The following WDR41 variants were observed in gnomAD, a reference collection of about 807,000 sequenced individuals.
WDR41 encodes the protein WD repeat domain 41.
Under a neutral mutation model 69.3 loss-of-function variants are expected in WDR41, and 63 were observed. That is an observed-to-expected ratio of 0.91 (90% CI 0.74 to 1.12). The LOEUF is 1.12. Ranked by LOEUF, WDR41 falls within the 50% of genes most tolerant of loss-of-function variation. The pLI, the probability that WDR41 is intolerant of heterozygous loss-of-function variation, is 0.00. For synonymous variants in WDR41, 185 were observed against 192.1 expected (o/e 0.96, Z 0.31); for missense variants, 543 against 534.5 (o/e 1.02, Z -0.16).
At chr5:77,539,799 T>C (rs1479939930) in intron 1 of WDR41, among the ~76,000 whole-genome samples, 1 of 152,168 alleles carries the variant, frequency 6.6e-6, no homozygotes, top group Admixed American at 6.5e-5. Flanking sequence ...ATAGTAACCA[T>C]GGTAATATTT....
chr5:77,440,847 T>C lies in WDR41; in HGVS notation c.848A>G (p.Asp283Gly). ...QEIKLCQKSN[D>G]ISIHHFTCDE... ...ACATGTGAAATGATGAATAGAAATG[T>C]CATTTGATTTTTGACAGAGTTTTAT... Residue 283 changes from aspartate (D) to glycine (G), a missense_variant, in exon 9 of 13, where the codon GAC (aspartate) becomes GGC (glycine). Physicochemically the swap from Asp to Gly is moderately conservative, Grantham distance 94 (BLOSUM62 -1). Coordinates refer to ENST00000296679, the MANE Select transcript of WDR41 (RefSeq NM_018268.4). 6.2e-7 allele frequency: 1 copy of C among 1,614,212 alleles called. No homozygotes were observed. The highest frequency in any genetic ancestry group is 8.5e-7 in the Non-Finnish European group (1 of 1,180,026).
chr5:77,579,686 C>G (rs1743902596), intron 1 of WDR41, among the ~76,000 whole-genome samples: 1 of 152,204 alleles, frequency 6.6e-6, no homozygotes, highest in African/African-American at 2.4e-5. Context: ...GTTCTACATG[C>G]TGAAAGCAAG....
At chr5:77,513,374 T>A (rs1202503254) in intron 1 of WDR41, among the ~76,000 whole-genome samples, 1 of 152,176 alleles carries the variant, frequency 6.6e-6, no homozygotes, top group East Asian at 1.9e-4. Flanking sequence ...AATTAGCTCT[T>A]AAACTGAAAA....
chr5:77,461,806 C>G (rs1800078578), intron 4 of WDR41, among the ~76,000 whole-genome samples: 1 of 151,458 alleles, frequency 6.6e-6, no homozygotes, highest in Non-Finnish European at 1.5e-5. Context: ...CTACTGCACT[C>G]CAGCTTGGGC....
chr5:77,616,947 A>T (rs1744690542), intron 1 of WDR41, among the ~76,000 whole-genome samples: 1 of 152,230 alleles, frequency 6.6e-6, no homozygotes, highest in African/African-American at 2.4e-5. Context: ...AAATCTCAGG[A>T]CTAGGCCAAG....
At chr5:77,462,343 A>G (rs1046913014) in intron 4 of WDR41, among the ~76,000 whole-genome samples, 1 of 142,666 alleles carries the variant, frequency 7.0e-6, no homozygotes, top group African/African-American at 2.6e-5. Context: ...CAGGAGGCAG[A>G]GGTTGCAGTG....
intron 1 of WDR41, among the ~76,000 whole-genome samples, chr5:77,513,348 A>T (rs1802238344): frequency 6.6e-6 from 1 of 152,234 alleles, no homozygotes; most frequent in Non-Finnish European, 1.5e-5. Context: ...AGTGGTCAGC[A>T]TTCACTAGAT....
chr5:77,576,265 A>C (rs1317728021), intron 1 of WDR41, among the ~76,000 whole-genome samples: 1 of 151,848 alleles, frequency 6.6e-6, no homozygotes, highest in Non-Finnish European at 1.5e-5. Context: ...CCTTTCCCTT[A>C]CATATTAACA....
intron 1 of WDR41, among the ~76,000 whole-genome samples, chr5:77,512,480 G>C (rs1415227794): frequency 6.7e-6 from 1 of 150,326 alleles, no homozygotes; most frequent in Non-Finnish European, 1.5e-5. Context: ...GGCCGAGTAA[G>C]GTAGCTCATG....
At chr5:77,503,407 A>T (rs1199832615) in intron 1 of WDR41, among the ~76,000 whole-genome samples, 1 of 152,126 alleles carries the variant, frequency 6.6e-6, no homozygotes, top group Non-Finnish European at 1.5e-5. Flanking sequence ...AGAGACTTAG[A>T]CTCCCACACA....
rs1395254224 is a variant in WDR41 at position 77,432,257 on chromosome 5, TTTCA to T, written c.*874_*877del. The stretch of plus-strand genomic sequence containing the variant: ...TAATGTGTAGACTACTTTCTAATAT[TTTCA>T]TTTTTTAGCACCAAAAGGAGAAAAC... On this transcript the variant is annotated 3_prime_UTR_variant, in exon 13 of 13. Transcript: ENST00000296679. 1 of 152,212 alleles carries T rather than the reference TTTCA, an allele frequency of 6.6e-6. No homozygotes were observed. Among genetic ancestry groups the T allele is most frequent in the African/African-American group, 2.4e-5 (1 of 41,444 alleles). The allele number at this position is 152,212 out of a possible 1,614,324, so 9.4% of individuals were successfully genotyped here.
intron 1 of WDR41, among the ~76,000 whole-genome samples, chr5:77,550,077 T>C (rs982937157): frequency 6.6e-6 from 1 of 152,236 alleles, no homozygotes; most frequent in South Asian, 2.1e-4. Context: ...CATTTCACCA[T>C]ATATAAAAAT....
upstream of WDR41, among the ~76,000 whole-genome samples, chr5:77,494,116 C>T (rs1289811756): frequency 2.0e-5 from 3 of 151,908 alleles, no homozygotes; most frequent in Admixed American, 1.3e-4. Context: ...ATTGTTATAA[C>T]GTTAGGATGT....
In WDR41 at chr5:77,431,868, G is replaced by C. The variant is rs544650702; in HGVS notation, c.*1267C>G. The C allele has an allele frequency of 8.7e-6, 1 of 114,330 alleles. No individual in the cohort carries two copies. Among genetic ancestry groups the C allele is most frequent in the African/African-American group, 3.4e-5 (1 of 29,722 alleles). The allele number at this position is 114,330 out of a possible 1,614,324, so 7.1% of individuals were successfully genotyped here. On this transcript the variant is annotated 3_prime_UTR_variant, in exon 13 of 13. Coordinates refer to ENST00000296679, the MANE Select transcript of WDR41 (RefSeq NM_018268.4). ...TGACTCAATGTTGTTTGGATTTAAA[G>C]TAGTCATATAAGCCTTTTCTCATTC... is the stretch of plus-strand genomic sequence containing the variant.
intron 2 of WDR41, among the ~76,000 whole-genome samples, chr5:77,472,932 T>C (rs1178217787): frequency 6.6e-6 from 1 of 152,162 alleles, no homozygotes; most frequent in Non-Finnish European, 1.5e-5. Flanking sequence ...TTCACGTTCA[T>C]ATGGAACCAA....
intron 4 of WDR41, among the ~76,000 whole-genome samples, chr5:77,461,299 GTGTATGTATATA>G (rs1800044597): frequency 6.6e-6 from 1 of 152,094 alleles, no homozygotes; most frequent in Non-Finnish European, 1.5e-5. Flanking sequence ...ACATATATGT[GTGTATGTATATA>G]TGTATGTATG....
In WDR41 at chr5:77,541,171, AT is replaced by A. The variant is rs1177692093; in HGVS notation, c.43-51600del. Among the ~76,000 whole-genome samples, 13 of 152,352 alleles carry A rather than the reference AT, an allele frequency of 8.5e-5. No individual in the cohort carries two copies. The East Asian group carries it at 2.3e-3, about 27-fold the overall frequency. On this transcript the variant is annotated intron_variant, in intron 1 of 5. Coordinates refer to the WDR41 transcript ENST00000509971. ...TGTCATCAGAGTGAACAGACAACTT[AT>A]AAAATGGGAGAAAATTTTTGCAATC...
chr5:77,610,974 C>A (rs1290033185), intron 1 of WDR41, among the ~76,000 whole-genome samples: 43 of 152,154 alleles, frequency 2.8e-4, no homozygotes, highest in South Asian at 1.5e-3. Context: ...TACCAAGCAA[C>A]TGGAAAGCAA....
chr5:77,468,028 A>G (rs1350320836), intron 2 of WDR41, among the ~76,000 whole-genome samples: 1 of 151,640 alleles, frequency 6.6e-6, no homozygotes, highest in Non-Finnish European at 1.5e-5. Flanking sequence ...CACAAAAAAC[A>G]AAAAAAACCC....
Sources: gnomAD v4.1 joint callset for allele counts (sites outside exome capture counted in the v4.1 genomes callset) on GRCh38, gnomAD v4.1.1 for gene constraint, MANE v1.5 for transcripts, NCBI Gene and HGNC (gene_info 2026-07-23, HGNC 2026-07-21) for gene names.